PITPNM3: variants seen among roughly 807,000 people sequenced by gnomAD.
The protein encoded by PITPNM3 is membrane-associated phosphatidylinositol transfer protein 3.
In PITPNM3, 26 loss-of-function variants were observed where a neutral mutation model predicts 102.0. That is an observed-to-expected ratio of 0.25 (90% CI 0.19 to 0.35). The LOEUF (loss-of-function observed/expected upper bound fraction) is 0.35, where lower values mean the gene tolerates loss of function less well. PITPNM3 is among the 10% of genes least tolerant of loss of function. The probability of loss-of-function intolerance (pLI) is 1.00; values close to 1 mark genes in which losing one functional copy is unlikely to be tolerated. For missense variants in PITPNM3, 1,083 were observed against 1,346.1 expected, an observed-to-expected ratio of 0.80 and a Z score of 3.06; for synonymous variants, 578 against 558.6, an observed-to-expected ratio of 1.03 and a Z score of -0.49.
At position 6,548,259 on chromosome 17, in the gene PITPNM3, C is replaced by T. The variant is rs188370115; in HGVS notation, c.22+8126G>A. Among the ~76,000 whole-genome samples the T allele has an allele frequency of 3.3e-3, 505 of 152,266 alleles. 1 individual carries two copies. The highest frequency in any genetic ancestry group is 8.3e-3 in the South Asian group (40 of 4,832). ...CCAAGGTTGCCTCTGCCCCCAGGCC[C>T]CTCCATTTGGTGCCAAAGCACAGTG... On this transcript the variant is annotated intron_variant, in intron 1 of 19. Coordinates refer to ENST00000262483, the MANE Select transcript of PITPNM3 (RefSeq NM_031220.4).
At chr17:6,532,411 T>C (rs774066239) in intron 2 of PITPNM3, among the ~76,000 whole-genome samples, 4 of 152,136 alleles carry the variant, frequency 2.6e-5, no homozygotes, top group Non-Finnish European at 5.9e-5. Context: ...TACATACCTG[T>C]AAAACCATTA....
chr17:6,489,332 C>T (rs1357696909), intron 4 of PITPNM3, among the ~76,000 whole-genome samples: 1 of 152,036 alleles, frequency 6.6e-6, no homozygotes, highest in African/African-American at 2.4e-5. Context: ...CACTCCCACC[C>T]CCCGTTAGTC....
At chr17:6,484,392 C>CCTGTG in intron 4 of PITPNM3, 100 bp from the exon 5 acceptor site, 1 of 1,212,460 alleles carries the variant, frequency 8.2e-7, no homozygotes, top group Non-Finnish European at 1.2e-6. Context: ...CCTTGGCTTA[C>CCTGTG]ATCACAGGTG....
At chr17:6,497,920 C>G (rs1906932556) in intron 4 of PITPNM3, among the ~76,000 whole-genome samples, 1 of 152,186 alleles carries the variant, frequency 6.6e-6, no homozygotes, top group South Asian at 2.1e-4. Context: ...AGCCCTGCCC[C>G]TCGTGGAGCT....
intron 1 of PITPNM3, among the ~76,000 whole-genome samples, chr17:6,542,908 T>C (rs1469426050): frequency 6.6e-6 from 1 of 152,224 alleles, no homozygotes; most frequent in Non-Finnish European, 1.5e-5. Context: ...TGTTTTTTAA[T>C]TGAGACAGGG....
At chr17:6,504,931 T>C (rs533361722) in intron 3 of PITPNM3, among the ~76,000 whole-genome samples, 1 of 152,118 alleles carries the variant, frequency 6.6e-6, no homozygotes, top group African/African-American at 2.4e-5. Flanking sequence ...TCCCAGCACT[T>C]TGGGAGACAG....
intron 14 of PITPNM3, 48 bp from the exon 15 acceptor site, chr17:6,464,819 A>C: frequency 6.4e-7 from 1 of 1,566,894 alleles, no homozygotes; most frequent in East Asian, 2.2e-5. Context: ...GGGAGGCTCA[A>C]CCTTGCTTTA....
In PITPNM3 at chr17:6,452,262, C is replaced by T. The variant is rs1485520923; in HGVS notation, c.*3076G>A. The T allele has an allele frequency of 1.3e-5, 2 of 152,118 alleles. No homozygotes were observed. Among genetic ancestry groups the T allele is most frequent in the African/African-American group, 4.8e-5 (2 of 41,406 alleles). The allele number at this position is 152,118 out of a possible 1,614,324, so 9.4% of individuals were successfully genotyped here. A position where few individuals can be genotyped will look rare whatever the true frequency, so the allele number is the denominator to read the frequency against. On this transcript the variant is annotated 3_prime_UTR_variant, in exon 20 of 20. Transcript: ENST00000262483. ...GCCGTTGAGATCTTTAGGAAAAAAC[C>T]CATGATGCTGGAAGAGCAGGTCCTG...
Position 6,556,240 on chromosome 17 carries a change from G to A in PITPNM3, c.22+145C>T, listed in dbSNP as rs1910602193. On this transcript the variant is annotated intron_variant, in intron 1 of 19. Coordinates refer to ENST00000262483, the MANE Select transcript of PITPNM3 (RefSeq NM_031220.4). This position sits in a 1 kb window ranked among gnomAD's most constrained non-coding sequence, Gnocchi z 5.2. ...CGGAGCCCCCTCTCCACGCGCGGGAGGTCCAGCCCCGCTACCGCCCCCTAC... is the reference window on the plus strand; with the variant it reads ...CGGAGCCCCCTCTCCACGCGCGGGAAGTCCAGCCCCGCTACCGCCCCCTAC... The A allele has an allele frequency of 3.8e-6, 2 of 525,678 alleles. No homozygotes were observed. Among genetic ancestry groups the A allele is most frequent in the South Asian group, 8.6e-5 (2 of 23,122 alleles). 32.6% of individuals were successfully genotyped at this position (525,678 alleles called of 1,614,324 possible). A position where few individuals can be genotyped will look rare whatever the true frequency, so the allele number is the denominator to read the frequency against.
rs1442476536 is a variant in PITPNM3, at chr17:6,457,195, C to A, written c.2619+399G>T. Among the ~76,000 whole-genome samples, 1 of 152,168 alleles carries A rather than the reference C, an allele frequency of 6.6e-6. No individual in the cohort carries two copies. The highest frequency in any genetic ancestry group is 2.4e-5 in the African/African-American group (1 of 41,438). ...TGCTGCTGCCTCTGTCACAAATATT[C>A]TTCTCAATCTCAGGCCCTTCCTGGA... On this transcript the variant is annotated intron_variant, in intron 19 of 19. Transcript: ENST00000262483. This position sits in a 1 kb window ranked among gnomAD's most constrained non-coding sequence, Gnocchi z 4.7.
chr17:6,475,482 C>T (rs939448574), intron 9 of PITPNM3, among the ~76,000 whole-genome samples: 2 of 152,196 alleles, frequency 1.3e-5, no homozygotes, highest in Admixed American at 6.5e-5. Flanking sequence ...TTAGAAAGAG[C>T]TATTGAAATC....
In PITPNM3 at chr17:6,452,435, C is replaced by T. The variant is rs1913888346; in HGVS notation, c.*2903G>A. 1 of 152,184 alleles carries T rather than the reference C, an allele frequency of 6.6e-6. No homozygotes were observed. The highest frequency in any genetic ancestry group is 1.5e-5 in the Non-Finnish European group (1 of 68,050). 9.4% of individuals were successfully genotyped at this position (152,184 alleles called of 1,614,324 possible). On this transcript the variant is annotated 3_prime_UTR_variant, in exon 20 of 20. Coordinates refer to ENST00000262483, the MANE Select transcript of PITPNM3 (RefSeq NM_031220.4). ...TTGGTCAGGCAGGAAGATCTGTTTC[C>T]AGCTGCTGGAGAGCAGGCATACCAG... is the stretch of plus-strand genomic sequence containing the variant.
rs147016598 is a variant in PITPNM3 at position 6,491,449 on chromosome 17, A to G, written c.275-7157T>C. On this transcript the variant is annotated intron_variant, in intron 4 of 19. Coordinates refer to ENST00000262483, the MANE Select transcript of PITPNM3 (RefSeq NM_031220.4). ...CTGAAGGTTTTAAAACTTTTTTAAAAACAGGGGAAATTTTTAGCCAATGAA... is the reference window on the plus strand; with the variant it reads ...CTGAAGGTTTTAAAACTTTTTTAAAGACAGGGGAAATTTTTAGCCAATGAA... Among the ~76,000 whole-genome samples the G allele has an allele frequency of 8.0e-3, 1,216 of 152,304 alleles. 9 individuals are homozygous for G. Among genetic ancestry groups the G allele is most frequent in the Non-Finnish European group, 0.014 (926 of 68,024 alleles).
chr17:6,545,899 T>C (rs1211950631), intron 1 of PITPNM3, among the ~76,000 whole-genome samples: 1 of 152,200 alleles, frequency 6.6e-6, no homozygotes, highest in Non-Finnish European at 1.5e-5. Flanking sequence ...TCCTATCCTG[T>C]GCCAGGTCAG....
At chr17:6,521,613 A>T (rs1908524929) in intron 3 of PITPNM3, among the ~76,000 whole-genome samples, 1 of 151,586 alleles carries the variant, frequency 6.6e-6, no homozygotes, top group Admixed American at 6.6e-5. Flanking sequence ...ATCCCTTTCC[A>T]TTAAAAAAAA....
intron 4 of PITPNM3, among the ~76,000 whole-genome samples, chr17:6,495,864 GAAGT>G (rs139870456): frequency 2.0e-5 from 3 of 152,336 alleles, no homozygotes; most frequent in Non-Finnish European, 4.4e-5. Context: ...CTTCCACGTG[GAAGT>G]AAGTAGACTG....
chr17:6,518,261 T>C (rs8066810), intron 3 of PITPNM3, among the ~76,000 whole-genome samples: 5,009 of 152,252 alleles, frequency 0.033, 259 homozygotes, highest in African/African-American at 0.11. Flanking sequence ...GGTTTTGAAC[T>C]ATGTAGACAT....
rs910728411 is a variant in PITPNM3, at chr17:6,468,787, G to A, written c.1774-446C>T. On this transcript the variant is annotated intron_variant, in intron 13 of 19. Coordinates refer to ENST00000262483, the MANE Select transcript of PITPNM3 (RefSeq NM_031220.4). The surrounding 1 kb of genome is among the most constrained non-coding windows in gnomAD (Gnocchi z 5.2). ...ATCACTCTCCTTAGCATTCAAATACGTGTAATACTGCCCATCTTAAAAAAT... is the reference window on the plus strand; with the variant it reads ...ATCACTCTCCTTAGCATTCAAATACATGTAATACTGCCCATCTTAAAAAAT... Among the ~76,000 whole-genome samples, 4 of 152,080 alleles carry A rather than the reference G, an allele frequency of 2.6e-5. No homozygotes were observed. The highest frequency in any genetic ancestry group is 4.4e-5 in the Non-Finnish European group (3 of 68,022).
At chr17:6,525,328 C>T (rs371362966) in intron 3 of PITPNM3, 28 bp downstream of exon 3, 8 of 1,601,142 alleles carry the variant, frequency 5.0e-6, no homozygotes, top group Non-Finnish European at 6.0e-6. Context: ...ATGTGCACAT[C>T]CTGGTCATGA....
Sources: allele counts gnomAD v4.1 joint callset (sites outside exome capture counted in the v4.1 genomes callset), GRCh38; gene constraint gnomAD v4.1.1; non-coding constraint Gnocchi (gnomAD v3.1); transcripts MANE v1.5; gene names NCBI Gene and HGNC (gene_info 2026-07-23, HGNC 2026-07-21).